Variants in MARCHF1 observed in about 807,000 individuals in gnomAD.
MARCHF1 encodes membrane associated ring-CH-type finger 1.
In MARCHF1, 40 loss-of-function variants were observed where a neutral mutation model predicts 54.2. The ratio of observed to expected loss-of-function variants is 0.74; its 90% CI spans 0.57 to 0.96. The LOEUF (loss-of-function observed/expected upper bound fraction) is 0.96. Ranked by LOEUF, MARCHF1 falls within the 40% of genes least tolerant of loss-of-function variation. The pLI is 0.00. For missense variants in MARCHF1, 586 were observed against 656.5 expected, an observed-to-expected ratio of 0.89 and a Z score of 1.17; for synonymous variants, 236 against 236.3, an observed-to-expected ratio of 1.00 and a Z score of 0.01.
intron 4 of MARCHF1, among the ~76,000 whole-genome samples, chr4:163,740,138 T>C (rs1343589310): frequency 6.6e-6 from 1 of 152,184 alleles, no homozygotes; most frequent in African/African-American, 2.4e-5. Context: ...GTTTTAGCTC[T>C]TGATAAGACA....
intron 1 of MARCHF1, among the ~76,000 whole-genome samples, chr4:164,340,124 A>T (rs1729870085): frequency 6.6e-6 from 1 of 152,146 alleles, no homozygotes; most frequent in Non-Finnish European, 1.5e-5. Flanking sequence ...AAAAGCCAGG[A>T]TCCGATAGCT....
chr4:164,115,399 A>G (rs1004347894), intron 1 of MARCHF1, among the ~76,000 whole-genome samples: 4 of 152,090 alleles, frequency 2.6e-5, no homozygotes, highest in African/African-American at 9.6e-5. Context: ...AACACATAAT[A>G]TACATAATTT....
chr4:163,782,442 G>A (rs1305418153), intron 4 of MARCHF1, among the ~76,000 whole-genome samples: 1 of 152,004 alleles, frequency 6.6e-6, no homozygotes, highest in African/African-American at 2.4e-5. Context: ...AGGCCGAGGT[G>A]GGTGGATCAC....
chr4:163,849,088 T>C (rs190902637), intron 4 of MARCHF1, among the ~76,000 whole-genome samples: 1 of 152,300 alleles, frequency 6.6e-6, no homozygotes, highest in African/African-American at 2.4e-5. Context: ...ATATGTACAA[T>C]CCAAATAATG....
chr4:164,243,169 A>G (rs1352919884), intron 1 of MARCHF1, among the ~76,000 whole-genome samples: 1 of 134,754 alleles, frequency 7.4e-6, no homozygotes, highest in Non-Finnish European at 1.6e-5. Flanking sequence ...TCCAAGACAC[A>G]TAATTGTCAG....
intron 8 of MARCHF1, among the ~76,000 whole-genome samples, chr4:163,567,239 A>T (rs77015656): frequency 0.034 from 5,186 of 151,058 alleles, 147 homozygotes; most frequent in Non-Finnish European, 0.058. Context: ...ATTCTATATT[A>T]AAAAAAAAGA....
At chr4:164,005,095 T>C (rs1753260156) in intron 2 of MARCHF1, among the ~76,000 whole-genome samples, 2 of 152,100 alleles carry the variant, frequency 1.3e-5, no homozygotes, top group South Asian at 4.1e-4. Flanking sequence ...GTAAAAATAC[T>C]CTGTTACCAA....
At chr4:164,091,760 A>G (rs539316225) in intron 2 of MARCHF1, among the ~76,000 whole-genome samples, 29 of 152,194 alleles carry the variant, frequency 1.9e-4, no homozygotes, top group Non-Finnish European at 3.8e-4. Context: ...GTGACAAAAA[A>G]CAGCATTTAA....
chr4:163,723,504 G>T (rs1281444396), intron 4 of MARCHF1, among the ~76,000 whole-genome samples: 1 of 152,058 alleles, frequency 6.6e-6, no homozygotes, highest in Non-Finnish European at 1.5e-5. Flanking sequence ...TATGTGTCTT[G>T]GAGTTGCTCT....
chr4:164,256,688 G>A (rs1216540088), intron 1 of MARCHF1, among the ~76,000 whole-genome samples: 1 of 152,100 alleles, frequency 6.6e-6, no homozygotes, highest in African/African-American at 2.4e-5. Context: ...TGACAGTTTA[G>A]TTTCTATGAA....
intron 4 of MARCHF1, among the ~76,000 whole-genome samples, chr4:163,844,622 A>T (rs1399802755): frequency 1.3e-5 from 2 of 152,196 alleles, no homozygotes; most frequent in East Asian, 3.9e-4. Flanking sequence ...CAGGTAAATT[A>T]ATGAAGATAT....
At chr4:164,108,522 T>C (rs1755759416) in intron 2 of MARCHF1, among the ~76,000 whole-genome samples, 2 of 152,120 alleles carry the variant, frequency 1.3e-5, no homozygotes, top group South Asian at 2.1e-4. Context: ...CACTTTTAAC[T>C]AACTGGAATC....
intron 9 of MARCHF1, among the ~76,000 whole-genome samples, chr4:163,543,218 G>C (rs920768426): frequency 6.6e-6 from 1 of 152,126 alleles, no homozygotes; most frequent in African/African-American, 2.4e-5. Flanking sequence ...GGCAAAACTG[G>C]AGAAAGTCTA....
At chr4:163,553,134 G>C (rs1739171124) in intron 8 of MARCHF1, among the ~76,000 whole-genome samples, 1 of 152,014 alleles carries the variant, frequency 6.6e-6, no homozygotes, top group Admixed American at 6.5e-5. Context: ...AATTCTCTGT[G>C]CCTCCATTTC....
At position 164,378,558 on chromosome 4, in the gene MARCHF1, C is replaced by T. The variant is rs565240771; in HGVS notation, c.-323+5312G>A. On this transcript the variant is annotated intron_variant, in intron 1 of 9. Coordinates refer to ENST00000514618, the MANE Select transcript of MARCHF1 (RefSeq NM_001394959.1). Reference sequence around the variant, plus strand: ...TCTGGGCTGGGTGCGGTGGCTACGCCTTGGCATCTGGGAGCCCAGAAGTCT... The same window carrying T: ...TCTGGGCTGGGTGCGGTGGCTACGCTTTGGCATCTGGGAGCCCAGAAGTCT... 2.6e-5 allele frequency among the ~76,000 whole-genome samples: 4 copies of T among 152,294 alleles called. No homozygotes were observed. In the East Asian group the frequency reaches 7.7e-4, roughly 29 times the overall value.
At chr4:163,534,784 G>A (rs1992438) in intron 9 of MARCHF1, among the ~76,000 whole-genome samples, 62,472 of 149,384 alleles carry the variant, frequency 0.42, 13,599 homozygotes, top group Admixed American at 0.54. Flanking sequence ...TTTAAAAATA[G>A]AAGTATGCTA....
At chr4:164,078,886 T>C in intron 2 of MARCHF1, among the ~76,000 whole-genome samples, 1 of 152,156 alleles carries the variant, frequency 6.6e-6, no homozygotes, top group East Asian at 1.9e-4. Flanking sequence ...AACCTGCACG[T>C]TGTGCACATG....
At chr4:163,959,882 C>T (rs151114017) in intron 3 of MARCHF1, among the ~76,000 whole-genome samples, 62 of 151,982 alleles carry the variant, frequency 4.1e-4, no homozygotes, top group African/African-American at 1.4e-3. Context: ...AACAGACAAG[C>T]TACACAATGG....
chr4:163,880,252 A>T (rs1399526547), intron 3 of MARCHF1, among the ~76,000 whole-genome samples: 1 of 151,404 alleles, frequency 6.6e-6, no homozygotes, highest in East Asian at 1.9e-4. Flanking sequence ...AATTAAAAAT[A>T]CTTTTATTTT....
Sources: allele counts gnomAD v4.1 joint callset (sites outside exome capture counted in the v4.1 genomes callset), GRCh38; gene constraint gnomAD v4.1.1; transcripts MANE v1.5; gene names NCBI Gene and HGNC (gene_info 2026-07-23, HGNC 2026-07-21).